The following ROCK2 variants were observed in gnomAD, a reference collection of about 807,000 sequenced individuals.
ROCK2 encodes Rho associated coiled-coil containing protein kinase 2, also known as rho-associated protein kinase 2.
A neutral mutation model predicts 195.1 loss-of-function variants in ROCK2; 61 were observed. The ratio of observed to expected loss-of-function variants is 0.31; its 90% CI spans 0.25 to 0.39. The LOEUF (loss-of-function observed/expected upper bound fraction) is 0.39. Ranked by LOEUF, ROCK2 falls within the 10% of genes least tolerant of loss-of-function variation. ROCK2 has a pLI of 1.00. For synonymous variants in ROCK2, 504 were observed against 545.5 expected (o/e 0.92, Z 1.06); for missense variants, 1,109 against 1,637.4 (o/e 0.68, Z 5.57).
chr2:11,337,570 A>G (rs898518063), intron 1 of ROCK2, among the ~76,000 whole-genome samples: 1 of 152,142 alleles, frequency 6.6e-6, no homozygotes, highest in South Asian at 2.1e-4. Flanking sequence ...AGCAACTGGA[A>G]CTCTCATATA....
rs34964630 is a variant in ROCK2 at position 11,208,601 on chromosome 2, CT to C, written c.2204-155del. Among the ~76,000 whole-genome samples the C allele has an allele frequency of 4.9e-4, 69 of 140,170 alleles. 1 individual carries two copies. The highest frequency in any genetic ancestry group is 4.3e-3 in the South Asian group (19 of 4,436). 92.0% of individuals were successfully genotyped at this position (140,170 alleles called of 152,430 possible). Reference sequence around the variant, plus strand: ...TCTATTAATTTTCTTTTTTTCTTTTCTTTTTTTTTTTTTTGAGACAGAGTCT... The same window carrying C: ...TCTATTAATTTTCTTTTTTTCTTTTCTTTTTTTTTTTTTGAGACAGAGTCT... On this transcript the variant is annotated intron_variant, in intron 18 of 32. Coordinates refer to ENST00000315872, the MANE Select transcript of ROCK2 (RefSeq NM_004850.5).
At position 11,264,072 on chromosome 2, in the gene ROCK2, C is replaced by T. The variant is rs1347347773; in HGVS notation, c.325-14274G>A. On this transcript the variant is annotated intron_variant, in intron 3 of 32. Coordinates refer to ENST00000315872, the MANE Select transcript of ROCK2 (RefSeq NM_004850.5). Reference sequence around the variant, plus strand: ...GGGATAGGAGTAATACATGAGAACGCAAGGATATTTCAAGCAGGAGGAAGA... The same window carrying T: ...GGGATAGGAGTAATACATGAGAACGTAAGGATATTTCAAGCAGGAGGAAGA... 4.0e-5 allele frequency among the ~76,000 whole-genome samples: 6 copies of T among 151,566 alleles called. No homozygotes were observed. In the South Asian group the frequency reaches 6.2e-4, roughly 16 times the overall value.
chr2:11,297,202 G>C (rs1426913758), intron 1 of ROCK2, among the ~76,000 whole-genome samples: 1 of 152,054 alleles, frequency 6.6e-6, no homozygotes, highest in Non-Finnish European at 1.5e-5. Context: ...TGTTTAAAAA[G>C]TGCAGAATAA....
At chr2:11,315,669 C>T (rs1394072630) in intron 1 of ROCK2, among the ~76,000 whole-genome samples, 2 of 151,986 alleles carry the variant, frequency 1.3e-5, no homozygotes, top group Non-Finnish European at 1.5e-5. Context: ...ATAGGCAGCA[C>T]TGTAAAAGAC....
chr2:11,191,571 A>G (rs1558276579), intron 32 of ROCK2, among the ~76,000 whole-genome samples: 1 of 152,206 alleles, frequency 6.6e-6, no homozygotes, highest in Non-Finnish European at 1.5e-5. Context: ...ATAATATGAA[A>G]CACAGTGTGT....
At position 11,288,596 on chromosome 2, in the gene ROCK2, T is replaced by C. The variant is rs373426904; in HGVS notation, c.142-860A>G. 1.6e-4 allele frequency among the ~76,000 whole-genome samples: 24 copies of C among 152,284 alleles called. No individual in the cohort carries two copies. The East Asian group carries it at 2.5e-3, about 16-fold the overall frequency. ...ACAACCTAAATCTTAGGAGGTCCAA[T>C]AGACTTAACTCATCCCTCTAGTCTC... On this transcript the variant is annotated intron_variant, in intron 1 of 32. Transcript: ENST00000315872.
chr2:11,332,614 G>C (rs1356929633), intron 1 of ROCK2, among the ~76,000 whole-genome samples: 1 of 152,150 alleles, frequency 6.6e-6, no homozygotes, highest in Non-Finnish European at 1.5e-5. Flanking sequence ...TGATAATATG[G>C]AGAAACTGGA....
At chr2:11,261,198 G>A (rs1666214365) in intron 3 of ROCK2, among the ~76,000 whole-genome samples, 1 of 152,152 alleles carries the variant, frequency 6.6e-6, no homozygotes, top group African/African-American at 2.4e-5. Flanking sequence ...TCAGCTTGTG[G>A]TCTTTGACAT....
chr2:11,249,895 C>CA (rs1436650991), intron 3 of ROCK2, 97 bp from the exon 4 acceptor site: 13 of 1,031,990 alleles, frequency 1.3e-5, no homozygotes, highest in South Asian at 7.4e-5. Flanking sequence ...ACTTCAGTTA[C>CA]AAAAAAATGG....
At chr2:11,209,240 T>C (rs546444108) in intron 18 of ROCK2, among the ~76,000 whole-genome samples, 1 of 152,262 alleles carries the variant, frequency 6.6e-6, no homozygotes, top group South Asian at 2.1e-4. Context: ...AACCAAACTT[T>C]CTGAGCTTAA....
rs779937083 is a variant in ROCK2, at chr2:11,344,069, C to G, written c.68G>C (p.Gly23Ala). Residue 23 changes from glycine (G) to alanine (A), a missense_variant, in exon 1 of 33, where the codon GGC (glycine) becomes GCC (alanine). Gly to Ala is a moderately conservative substitution (Grantham distance 60). Around this residue, in one of 6 missense-constraint regions of ROCK2, gnomAD observed 64 missense variants for 62.4 expected, o/e 1.03. Transcript: ENST00000315872. The surrounding 1 kb of genome is among the most constrained non-coding windows in gnomAD (Gnocchi z 5.4). ...APETAPGDGAGASRQRKLEAL... is the reference protein window; with the variant it reads ...APETAPGDGAAASRQRKLEAL... ...CTCCAGCTTCCTCTGGCGGCTCGCG[C>G]CTGCCCCGTCCCCCGGCGCGGTCTC... is the stretch of plus-strand genomic sequence containing the variant. 1 of 1,556,648 alleles carries G rather than the reference C, an allele frequency of 6.4e-7. No individual in the cohort carries two copies. Among genetic ancestry groups the G allele is most frequent in the African/African-American group, 1.4e-5 (1 of 69,688 alleles).
Position 11,183,344 on chromosome 2 carries a change from C to T in ROCK2, c.*93G>A, listed in dbSNP as rs1377318071. 3 of 998,994 alleles carry T rather than the reference C, an allele frequency of 3.0e-6. No individual in the cohort carries two copies. The highest frequency in any genetic ancestry group is 4.6e-6 in the Non-Finnish European group (3 of 655,294). The allele number at this position is 998,994 out of a possible 1,614,324, so 61.9% of individuals were successfully genotyped here. On this transcript the variant is annotated 3_prime_UTR_variant, in exon 33 of 33. Transcript: ENST00000315872. ...GTATCAGTCTCTCAGGAAAATATAG[C>T]TTTTTAATAAATTTTGGGCCATCAT...
intron 3 of ROCK2, among the ~76,000 whole-genome samples, chr2:11,253,048 T>G (rs554798994): frequency 2.0e-5 from 3 of 151,898 alleles, no homozygotes; most frequent in Non-Finnish European, 2.9e-5. Context: ...ACAATTAGGA[T>G]GATTTTACCA....
intron 3 of ROCK2, among the ~76,000 whole-genome samples, chr2:11,263,427 G>T (rs1666302460): frequency 6.6e-6 from 1 of 151,980 alleles, no homozygotes. Context: ...AATGCCTACA[G>T]TAAGGGTTCT....
At position 11,224,377 on chromosome 2, in the gene ROCK2, C is replaced by A. The variant is rs1403307948; in HGVS notation, c.952G>T (p.Asp318Tyr). Residue 318 changes from aspartate to tyrosine, a missense_variant, in exon 7 of 33, where the codon GAT becomes TAT. Physicochemically the swap from Asp to Tyr is radical, Grantham distance 160. Transcript: ENST00000315872. ...DHKNSLCFPE[D>Y]AEISKHAKNL... ...TTTGCATGTTTGGAAATTTCTGCATCTTCAGGGAAACACAGTGAATTCTTA... is the reference window on the plus strand; with the variant it reads ...TTTGCATGTTTGGAAATTTCTGCATATTCAGGGAAACACAGTGAATTCTTA... 3 of 1,613,316 alleles carry A rather than the reference C, an allele frequency of 1.9e-6. No homozygotes were observed. The highest frequency in any genetic ancestry group is 2.5e-6 in the Non-Finnish European group (3 of 1,179,550).
Position 11,183,202 on chromosome 2 carries a change from G to C in ROCK2, c.*235C>G. On this transcript the variant is annotated 3_prime_UTR_variant, in exon 33 of 33. Coordinates refer to ENST00000315872, the MANE Select transcript of ROCK2 (RefSeq NM_004850.5). The stretch of plus-strand genomic sequence containing the variant: ...CTTTATGGAAAAGTCTGGAAGAGTT[G>C]CATATATCCTTAGTCTATCAACCAA... The C allele has an allele frequency of 2.4e-6, 1 of 418,104 alleles. No homozygotes were observed. The highest frequency in any genetic ancestry group is 4.4e-6 in the Non-Finnish European group (1 of 227,616). 25.9% of individuals were successfully genotyped at this position (418,104 alleles called of 1,614,324 possible).
In ROCK2 at chr2:11,201,034, T is replaced by A. The variant is rs1385540412; in HGVS notation, c.2833A>T (p.Met945Leu). Reference protein sequence around the residue: ...QYSDLEKEKIMKELEIKEMMA... With the variant: ...QYSDLEKEKILKELEIKEMMA... Reference sequence around the variant, plus strand: ...ATCTCTTTGATCTCCAGCTCTTTCATGATCTTCTCTTTTTCCAAATCAGAA... The same window carrying A: ...ATCTCTTTGATCTCCAGCTCTTTCAAGATCTTCTCTTTTTCCAAATCAGAA... Residue 945 changes from methionine to leucine, a missense_variant, in exon 23 of 33, where the codon ATG becomes TTG. Physicochemically the swap from Met to Leu is conservative, Grantham distance 15. Coordinates refer to ENST00000315872, the MANE Select transcript of ROCK2 (RefSeq NM_004850.5). This position sits in a 1 kb window ranked among gnomAD's most constrained non-coding sequence, Gnocchi z 4.6. 3.1e-6 allele frequency: 5 copies of A among 1,613,838 alleles called. No individual in the cohort carries two copies. The highest frequency in any genetic ancestry group is 4.2e-6 in the Non-Finnish European group (5 of 1,179,890).
In ROCK2 at chr2:11,304,690, G is replaced by A. The variant is rs74547978; in HGVS notation, c.142-16954C>T. ...CAGCCTTTGAGTCTATCATCTGCTC[G>A]CATCCACCTAGTTATTAACTCTCAA... On this transcript the variant is annotated intron_variant, in intron 1 of 32. Coordinates refer to ENST00000315872, the MANE Select transcript of ROCK2 (RefSeq NM_004850.5). Among the ~76,000 whole-genome samples the A allele has an allele frequency of 1.6e-3, 242 of 152,184 alleles. 1 individual carries two copies. The highest frequency in any genetic ancestry group is 5.6e-3 in the African/African-American group (232 of 41,518).
intron 1 of ROCK2, among the ~76,000 whole-genome samples, chr2:11,301,011 G>A (rs931490651): frequency 5.9e-5 from 9 of 152,030 alleles, no homozygotes; most frequent in Non-Finnish European, 1.5e-5. Context: ...CTCAAAACCT[G>A]GTAGCAAAAT....
Sources: allele counts gnomAD v4.1 joint callset (sites outside exome capture counted in the v4.1 genomes callset), GRCh38; gene constraint gnomAD v4.1.1; regional missense constraint gnomAD v4.1.1; non-coding constraint Gnocchi (gnomAD v3.1); transcripts MANE v1.5; gene names NCBI Gene and HGNC (gene_info 2026-07-23, HGNC 2026-07-21).